Variants in PCCA observed in about 807,000 individuals in gnomAD.
PCCA encodes propionyl-CoA carboxylase alpha chain, mitochondrial.
A neutral mutation model predicts 101.3 loss-of-function variants in PCCA; 74 were observed. The ratio of observed to expected loss-of-function variants is 0.73; its 90% CI spans 0.61 to 0.89. PCCA has a LOEUF of 0.89. Ranked by LOEUF, PCCA falls within the 40% of genes least tolerant of loss-of-function variation. The pLI, the probability that PCCA is intolerant of heterozygous loss-of-function variation, is 0.00. For synonymous variants in PCCA, 294 were observed against 313.6 expected, an observed-to-expected ratio of 0.94 and a Z score of 0.66; for missense variants, 891 against 907.0, an observed-to-expected ratio of 0.98 and a Z score of 0.23.
At chr13:100,144,206 T>C (rs1053789966) in intron 4 of PCCA, among the ~76,000 whole-genome samples, 1 of 152,148 alleles carries the variant, frequency 6.6e-6, no homozygotes, top group Non-Finnish European at 1.5e-5. Flanking sequence ...AGCTTTTGAG[T>C]GGTTGATTTT....
chr13:100,373,836 G>A (rs956739036), intron 19 of PCCA, among the ~76,000 whole-genome samples: 7 of 152,190 alleles, frequency 4.6e-5, no homozygotes, highest in African/African-American at 1.7e-4. Context: ...TTGTGGCCAG[G>A]TGCAGTGGCT....
At chr13:100,289,237 C>T (rs1027344699) in intron 12 of PCCA, among the ~76,000 whole-genome samples, 3 of 152,088 alleles carry the variant, frequency 2.0e-5, no homozygotes, top group Non-Finnish European at 2.9e-5. Context: ...TACTGTATCT[C>T]CTCCTGTTTT....
chr13:100,185,202 C>T (rs955219734), intron 6 of PCCA, among the ~76,000 whole-genome samples: 1 of 152,188 alleles, frequency 6.6e-6, no homozygotes, highest in Admixed American at 6.5e-5. Context: ...TCTCTTTATA[C>T]TTTCACCTCC....
chr13:100,332,217 C>T (rs976692801), intron 17 of PCCA, among the ~76,000 whole-genome samples: 5 of 152,086 alleles, frequency 3.3e-5, no homozygotes, highest in Admixed American at 3.3e-4. Context: ...GGATTACAGG[C>T]GTGAGCTACC....
intron 7 of PCCA, among the ~76,000 whole-genome samples, chr13:100,217,506 T>C (rs1344909789): frequency 6.6e-6 from 1 of 152,018 alleles, no homozygotes; most frequent in Non-Finnish European, 1.5e-5. Context: ...GGACTTTAGA[T>C]AGACTTAACA....
chr13:100,096,178 T>C (rs908075580), intron 1 of PCCA, among the ~76,000 whole-genome samples: 1 of 152,190 alleles, frequency 6.6e-6, no homozygotes, highest in Non-Finnish European at 1.5e-5. Context: ...TGAGGGTTTG[T>C]GGCAACCCTG....
At chr13:100,478,028 T>C in intron 21 of PCCA, among the ~76,000 whole-genome samples, 1 of 152,252 alleles carries the variant, frequency 6.6e-6, no homozygotes, top group Non-Finnish European at 1.5e-5. Context: ...TCGGGCCTTT[T>C]AGGCTTTTGT....
chr13:100,104,343 T>G (rs920117660), intron 2 of PCCA: 4 of 152,156 alleles, frequency 2.6e-5, no homozygotes, highest in Non-Finnish European at 4.4e-5. Flanking sequence ...ATGGTTTGGC[T>G]CTGTCCCCAT....
intron 8 of PCCA, among the ~76,000 whole-genome samples, chr13:100,237,763 A>G (rs2060886923): frequency 6.6e-6 from 1 of 152,086 alleles, no homozygotes; most frequent in Admixed American, 6.6e-5. Flanking sequence ...AAAGGACAAT[A>G]TTTAGAGAAA....
intron 1 of PCCA, among the ~76,000 whole-genome samples, chr13:100,097,953 G>GT: frequency 6.6e-6 from 1 of 152,216 alleles, no homozygotes. Flanking sequence ...GAATGCAGGA[G>GT]TTCAAGGCTG....
chr13:100,164,262 G>T (rs2054807971), intron 6 of PCCA, among the ~76,000 whole-genome samples: 1 of 152,166 alleles, frequency 6.6e-6, no homozygotes, highest in Non-Finnish European at 1.5e-5. Flanking sequence ...CAAAGAGAAG[G>T]TTGAAGGTTT....
chr13:100,307,720 A>T (rs114885359), intron 15 of PCCA, among the ~76,000 whole-genome samples: 1 of 152,230 alleles, frequency 6.6e-6, no homozygotes, highest in African/African-American at 2.4e-5. Flanking sequence ...ATGTAAGAGT[A>T]TAAGATTTGT....
chr13:100,185,814 A>AT (rs1240445766), intron 6 of PCCA, among the ~76,000 whole-genome samples: 4 of 151,720 alleles, frequency 2.6e-5, no homozygotes, highest in African/African-American at 7.3e-5. Context: ...CGCCTGACTA[A>AT]TTTTGTATTT....
At position 100,089,186 on chromosome 13, in the gene PCCA, G is replaced by A. The variant is rs760798946; in HGVS notation, c.66G>A (p.Pro22=). 4 of 1,528,278 alleles carry A rather than the reference G, an allele frequency of 2.6e-6. No homozygotes were observed. The highest frequency in any genetic ancestry group is 2.6e-5 in the East Asian group (1 of 39,022). 94.7% of individuals were successfully genotyped at this position (1,528,278 alleles called of 1,614,324 possible). The change falls in exon 1 of 24, where the codon CCG becomes CCA. Residue 22 remains proline (P), a synonymous_variant. Transcript: ENST00000376285. ...VAAGRRGRWP[P]QQLMLSAALR... is the part of the protein sequence containing the mutation. The stretch of plus-strand genomic sequence containing the variant: ...CCGGACGGCGTGGGCGGTGGCCGCC[G>A]CAGCAGCTGATGCTGAGCGCGGCGC...
intron 7 of PCCA, among the ~76,000 whole-genome samples, chr13:100,230,880 T>TG (rs1466571514): frequency 1.3e-5 from 2 of 152,148 alleles, no homozygotes; most frequent in Non-Finnish European, 2.9e-5. Flanking sequence ...AGTAAGCAGA[T>TG]GCTATGCCAG....
At chr13:100,108,756 T>A (rs1440401223) in intron 2 of PCCA, among the ~76,000 whole-genome samples, 2 of 152,234 alleles carry the variant, frequency 1.3e-5, no homozygotes, top group Non-Finnish European at 2.9e-5. Context: ...TGGGTTTAAT[T>A]GATTTGTATG....
intron 21 of PCCA, chr13:100,489,987 G>GT (rs1373347822): frequency 6.6e-6 from 1 of 152,244 alleles, no homozygotes. Context: ...AACAAAATCA[G>GT]TAAGTGTTAT....
At chr13:100,276,663 G>A (rs1283399903) in intron 12 of PCCA, among the ~76,000 whole-genome samples, 1 of 151,724 alleles carries the variant, frequency 6.6e-6, no homozygotes, top group Non-Finnish European at 1.5e-5. Flanking sequence ...CCCTTATGCT[G>A]TATTTAATTA....
At chr13:100,320,179 A>C (rs927670086) in intron 16 of PCCA, among the ~76,000 whole-genome samples, 1 of 152,192 alleles carries the variant, frequency 6.6e-6, no homozygotes, top group Non-Finnish European at 1.5e-5. Context: ...TTGATTTTGT[A>C]TCCTGAGACT....
Sources: gnomAD v4.1 joint callset for allele counts (sites outside exome capture counted in the v4.1 genomes callset) on GRCh38, gnomAD v4.1.1 for gene constraint, MANE v1.5 for transcripts, NCBI Gene and HGNC (gene_info 2026-07-23, HGNC 2026-07-21) for gene names.